ARHGEF38: variants seen among roughly 807,000 people sequenced by gnomAD.
The protein encoded by ARHGEF38 is Rho guanine nucleotide exchange factor (GEF) 38.
A neutral mutation model predicts 79.9 loss-of-function variants in ARHGEF38; 79 were observed. The ratio of observed to expected loss-of-function variants is 0.99; its 90% CI spans 0.82 to 1.19. ARHGEF38 has a LOEUF of 1.19. Among genes scored for constraint, ARHGEF38 ranks in the 50% most tolerant of loss-of-function variants. The pLI is 0.00. For missense variants in ARHGEF38, 962 were observed against 907.2 expected (o/e 1.06, Z -0.78); for synonymous variants, 366 against 328.3 (o/e 1.11, Z -1.24).
chr4:105,561,147 G>T (rs941165249), intron 1 of ARHGEF38, among the ~76,000 whole-genome samples: 1 of 152,018 alleles, frequency 6.6e-6, no homozygotes, highest in African/African-American at 2.4e-5. Context: ...CAGCACTTTG[G>T]GTGGCCAAGG....
intron 1 of ARHGEF38, among the ~76,000 whole-genome samples, chr4:105,555,362 G>A (rs1169176693): frequency 6.6e-6 from 1 of 152,136 alleles, no homozygotes; most frequent in Admixed American, 6.6e-5. Context: ...AGAGCTTTTA[G>A]CATGGTTCGA....
intron 6 of ARHGEF38, among the ~76,000 whole-genome samples, chr4:105,647,352 G>A (rs1256844525): frequency 1.3e-5 from 2 of 150,516 alleles, no homozygotes; most frequent in Non-Finnish European, 1.5e-5. Flanking sequence ...ACTATAGTTT[G>A]TTTTTTTAAA....
In ARHGEF38 at chr4:105,649,142, G is replaced by A. The variant is rs189491765; in HGVS notation, c.1008+460G>A. Among the ~76,000 whole-genome samples, 17 of 152,110 alleles carry A rather than the reference G, an allele frequency of 1.1e-4. No individual in the cohort carries two copies. The South Asian group carries it at 1.9e-3, about 17-fold the overall frequency. On this transcript the variant is annotated intron_variant, in intron 7 of 13. Coordinates refer to ENST00000420470, the MANE Select transcript of ARHGEF38 (RefSeq NM_001242729.2). The stretch of plus-strand genomic sequence containing the variant: ...CATCTTTATAAACAAAGTGTTTAGA[G>A]GCATAACTTAGTGCAATTATTTTTT...
chr4:105,608,013 A>G (rs1728126635), intron 2 of ARHGEF38, among the ~76,000 whole-genome samples: 1 of 152,070 alleles, frequency 6.6e-6, no homozygotes, highest in African/African-American at 2.4e-5. Flanking sequence ...ACAGAAACTT[A>G]TTTCTCACAG....
Position 105,672,682 on chromosome 4 carries a change from G to A in ARHGEF38, c.2148+4979G>A, listed in dbSNP as rs565722669. Among the ~76,000 whole-genome samples, 30 of 152,242 alleles carry A rather than the reference G, an allele frequency of 2.0e-4. No individual in the cohort carries two copies. In the Middle Eastern group the frequency reaches 0.014, roughly 69 times the overall value. On this transcript the variant is annotated intron_variant, in intron 13 of 13. Transcript: ENST00000420470. ...GGGCTGTTGTCAGGAGTCCAAGCACGGTTTAGCTGGATGCCCTGCTTAAGA... is the reference window on the plus strand; with the variant it reads ...GGGCTGTTGTCAGGAGTCCAAGCACAGTTTAGCTGGATGCCCTGCTTAAGA...
At chr4:105,665,540 G>A (rs1023911504) in intron 10 of ARHGEF38, among the ~76,000 whole-genome samples, 5 of 151,880 alleles carry the variant, frequency 3.3e-5, no homozygotes, top group Admixed American at 3.3e-4. Flanking sequence ...GGGCTCGAGT[G>A]ATCTTCTGGC....
At chr4:105,596,343 G>A (rs1344275035) in intron 2 of ARHGEF38, among the ~76,000 whole-genome samples, 1 of 152,102 alleles carries the variant, frequency 6.6e-6, no homozygotes, top group Non-Finnish European at 1.5e-5. Context: ...CAGGGCTCAG[G>A]CATTCAGCTT....
chr4:105,630,644 A>T (rs1465344398), intron 3 of ARHGEF38, among the ~76,000 whole-genome samples: 1 of 152,164 alleles, frequency 6.6e-6, no homozygotes, highest in Non-Finnish European at 1.5e-5. Flanking sequence ...TAACTTGTTC[A>T]TCCTTTGTTT....
At chr4:105,642,861 TTAAA>T (rs767727166) in intron 5 of ARHGEF38, among the ~76,000 whole-genome samples, 5 of 152,166 alleles carry the variant, frequency 3.3e-5, no homozygotes, top group Non-Finnish European at 7.4e-5. Flanking sequence ...TTTTCAAAGA[TTAAA>T]TAAGTTAGCA....
chr4:105,666,046 A>G (rs1160456709), intron 10 of ARHGEF38, 131 bp from the exon 11 acceptor site: 2 of 648,230 alleles, frequency 3.1e-6, no homozygotes, highest in African/African-American at 1.9e-5. Context: ...TAGAAGTTCT[A>G]AAGTTGCCCT....
intron 13 of ARHGEF38, among the ~76,000 whole-genome samples, chr4:105,670,787 C>T (rs899392698): frequency 1.3e-5 from 2 of 152,118 alleles, no homozygotes; most frequent in African/African-American, 4.8e-5. Flanking sequence ...TTTGCCTTGT[C>T]CCAATAACCT....
At chr4:105,660,398 A>G (rs1178488679) in intron 10 of ARHGEF38, among the ~76,000 whole-genome samples, 1 of 151,974 alleles carries the variant, frequency 6.6e-6, no homozygotes, top group Non-Finnish European at 1.5e-5. Context: ...TATTCTGAGA[A>G]TGCATCTATA....
chr4:105,642,474 A>G (rs745434254), intron 5 of ARHGEF38, among the ~76,000 whole-genome samples: 1 of 152,222 alleles, frequency 6.6e-6, no homozygotes, highest in Non-Finnish European at 1.5e-5. Flanking sequence ...AAAAGTAATG[A>G]TACAATCTAG....
At chr4:105,642,589 C>A (rs961666572) in intron 5 of ARHGEF38, among the ~76,000 whole-genome samples, 4 of 152,070 alleles carry the variant, frequency 2.6e-5, no homozygotes, top group African/African-American at 9.7e-5. Flanking sequence ...ACTTCCCATT[C>A]ATTCTGTGAG....
chr4:105,642,611 A>G (rs1729667287), intron 5 of ARHGEF38, among the ~76,000 whole-genome samples: 1 of 152,200 alleles, frequency 6.6e-6, no homozygotes, highest in Non-Finnish European at 1.5e-5. Context: ...AATAGAAGAA[A>G]CTACTGAAGG....
At chr4:105,580,642 G>T (rs1379403472) in intron 1 of ARHGEF38, among the ~76,000 whole-genome samples, 1 of 152,166 alleles carries the variant, frequency 6.6e-6, no homozygotes, top group African/African-American at 2.4e-5. Context: ...GTCTGATTTT[G>T]TGGTTGATTT....
Position 105,595,245 on chromosome 4 carries a change from A to G in ARHGEF38, c.384+5810A>G, listed in dbSNP as rs1429085076. On this transcript the variant is annotated intron_variant, in intron 2 of 13. Coordinates refer to ENST00000420470, the MANE Select transcript of ARHGEF38 (RefSeq NM_001242729.2). ...ATGATATTTCAAGTGTATGTGTTTG[A>G]ATGCACACTTGGTAGATTTTATTTC... Among the ~76,000 whole-genome samples the G allele has an allele frequency of 2.0e-5, 3 of 152,210 alleles. No individual in the cohort carries two copies. In the East Asian group the frequency reaches 5.8e-4, roughly 29 times the overall value.
At chr4:105,622,411 G>C (rs1205100538) in intron 3 of ARHGEF38, among the ~76,000 whole-genome samples, 2 of 152,210 alleles carry the variant, frequency 1.3e-5, no homozygotes, top group African/African-American at 4.8e-5. Flanking sequence ...CATAGAAAGA[G>C]TAACAAACCT....
At chr4:105,561,424 G>GGAATGGAATA (rs1725543218) in intron 1 of ARHGEF38, among the ~76,000 whole-genome samples, 3 of 53,002 alleles carry the variant, frequency 5.7e-5, no homozygotes, top group African/African-American at 1.7e-4. Context: ...AGAATAGAAT[G>GGAATGGAATA]GAATAGAATA....
Sources: gnomAD v4.1 joint callset for allele counts (sites outside exome capture counted in the v4.1 genomes callset) on GRCh38, gnomAD v4.1.1 for gene constraint, MANE v1.5 for transcripts, NCBI Gene and HGNC (gene_info 2026-07-23, HGNC 2026-07-21) for gene names.